The following POU6F2 variants were observed in gnomAD, a reference collection of about 807,000 sequenced individuals.
POU6F2 encodes POU class 6 homeobox 2, also known as POU domain, class 6, transcription factor 2.
A neutral mutation model predicts 71.3 loss-of-function variants in POU6F2; 31 were observed. That is an observed-to-expected ratio of 0.43 (90% confidence interval 0.33 to 0.59). The LOEUF is 0.59. POU6F2 is among the 20% of genes least tolerant of loss of function. The pLI is 0.04. For missense variants in POU6F2, 783 were observed against 856.8 expected (o/e 0.91, Z 1.07); for synonymous variants, 347 against 355.7 (o/e 0.98, Z 0.27).
At chr7:39,202,768 CTTG>C (rs1283190525) in intron 2 of POU6F2, among the ~76,000 whole-genome samples, 1 of 152,160 alleles carries the variant, frequency 6.6e-6, no homozygotes, top group Non-Finnish European at 1.5e-5. Flanking sequence ...TCATCTTACC[CTTG>C]TTATTAAATG....
At chr7:39,346,006 C>A (rs1439715819) in intron 5 of POU6F2, among the ~76,000 whole-genome samples, 1 of 152,180 alleles carries the variant, frequency 6.6e-6, no homozygotes, top group Non-Finnish European at 1.5e-5. Context: ...CTTTACCCAA[C>A]TGTATTAAGT....
intron 4 of POU6F2, among the ~76,000 whole-genome samples, chr7:39,268,078 T>C (rs1583486024): frequency 6.6e-6 from 1 of 152,158 alleles, no homozygotes. Flanking sequence ...CATTCGCTTT[T>C]GATGACTTTG....
At chr7:39,448,739 T>C (rs759640045) in intron 7 of POU6F2, among the ~76,000 whole-genome samples, 2 of 152,182 alleles carry the variant, frequency 1.3e-5, no homozygotes, top group Non-Finnish European at 1.5e-5. Flanking sequence ...GATGGTTCTT[T>C]ACCACACCCA....
intron 2 of POU6F2, among the ~76,000 whole-genome samples, chr7:39,116,388 G>GA (rs1218275860): frequency 6.6e-6 from 1 of 151,670 alleles, no homozygotes; most frequent in Non-Finnish European, 1.5e-5. Context: ...GTGTCTCAAA[G>GA]AAAAAAAATC....
At chr7:39,239,910 T>C (rs535678194) in intron 4 of POU6F2, among the ~76,000 whole-genome samples, 2 of 152,276 alleles carry the variant, frequency 1.3e-5, no homozygotes, top group South Asian at 4.1e-4. Context: ...GGCAAAGTCC[T>C]GAATTATCAC....
intron 6 of POU6F2, among the ~76,000 whole-genome samples, chr7:39,422,518 T>C (rs757968374): frequency 4.6e-5 from 7 of 152,190 alleles, no homozygotes; most frequent in Non-Finnish European, 8.8e-5. Context: ...AAAATTAAAA[T>C]ATATCCACAG....
intron 1 of POU6F2, among the ~76,000 whole-genome samples, chr7:39,056,579 C>T (rs1183285124): frequency 1.3e-5 from 2 of 151,738 alleles, no homozygotes; most frequent in South Asian, 2.1e-4. Context: ...TCTAAAAACT[C>T]AGGACTTCCC....
chr7:39,146,556 T>A (rs573604621), intron 2 of POU6F2, among the ~76,000 whole-genome samples: 1 of 152,274 alleles, frequency 6.6e-6, no homozygotes, highest in South Asian at 2.1e-4. Flanking sequence ...GATAGCCACG[T>A]TTGATAGCTG....
At position 39,015,737 on chromosome 7, in the gene POU6F2, ATATATAT is replaced by A. The variant is rs1432994490; in HGVS notation, c.105+37694_105+37700del. Among the ~76,000 whole-genome samples the A allele has an allele frequency of 8.3e-4, 42 of 50,632 alleles. No homozygotes were observed. The East Asian group carries it at 0.011, about 13-fold the overall frequency. The allele number at this position is 50,632 out of a possible 152,430, so 33.2% of individuals were successfully genotyped here. ...TTATATAGAGATATATAACATATAG[ATATATAT>A]TATATATTATATATAGATATATTAT... On this transcript the variant is annotated intron_variant, in intron 1 of 9. Transcript: ENST00000518318.
At position 39,207,416 on chromosome 7, in the gene POU6F2, G is replaced by T; in HGVS notation, c.394G>T (p.Ala132Ser). The T allele has an allele frequency of 6.2e-7, 1 of 1,613,952 alleles. No homozygotes were observed. Among genetic ancestry groups the T allele is most frequent in the Non-Finnish European group, 8.5e-7 (1 of 1,179,838 alleles). Residue 132 changes from alanine to serine, a missense_variant, in exon 4 of 10, where the codon GCT becomes TCT. Ala to Ser is a moderately conservative substitution (Grantham distance 99). This residue lies in a region of POU6F2 where 572 missense variants were observed against 572.9 expected (regional missense o/e 1.00). Transcript: ENST00000518318. ...PQPLLTAQQLASAVAGVMPGG... is the reference protein window; with the variant it reads ...PQPLLTAQQLSSAVAGVMPGG... Reference sequence around the variant, plus strand: ...GCCACTTCTGACGGCACAGCAGTTAGCTTCTGCTGTGGCCGGCGTGATGCC... The same window carrying T: ...GCCACTTCTGACGGCACAGCAGTTATCTTCTGCTGTGGCCGGCGTGATGCC...
At chr7:39,057,115 A>T (rs1584520760) in intron 1 of POU6F2, among the ~76,000 whole-genome samples, 2 of 151,922 alleles carry the variant, frequency 1.3e-5, no homozygotes, top group South Asian at 2.1e-4. Context: ...CCTCTCTCTT[A>T]AGTCTTTCCT....
At chr7:39,023,895 G>C (rs572489188) in intron 1 of POU6F2, among the ~76,000 whole-genome samples, 1 of 152,162 alleles carries the variant, frequency 6.6e-6, no homozygotes, top group Admixed American at 6.6e-5. Flanking sequence ...CAGGATTCCT[G>C]TTTAGGTCAG....
chr7:39,178,714 A>G (rs1420233953), intron 2 of POU6F2, among the ~76,000 whole-genome samples: 1 of 152,208 alleles, frequency 6.6e-6, no homozygotes, highest in Non-Finnish European at 1.5e-5. Flanking sequence ...GCCAAAAAAC[A>G]GATCTTGGAT....
At position 39,387,327 on chromosome 7, in the gene POU6F2, TC is replaced by T. The variant is rs1231398554; in HGVS notation, c.973-19271del. Among the ~76,000 whole-genome samples, 5 of 152,194 alleles carry T rather than the reference TC, an allele frequency of 3.3e-5. No individual in the cohort carries two copies. The East Asian group carries it at 9.6e-4, about 29-fold the overall frequency. On this transcript the variant is annotated intron_variant, in intron 5 of 9. Transcript: ENST00000518318. ...TAAGAACCATTTCATAGTTTTCCCC[TC>T]CTAAGAGTTTTTTGTCTAATACGTG...
At chr7:39,227,700 A>AT (rs1325711220) in intron 4 of POU6F2, among the ~76,000 whole-genome samples, 2 of 151,988 alleles carry the variant, frequency 1.3e-5, no homozygotes, top group African/African-American at 4.8e-5. Flanking sequence ...GGCTACAGGC[A>AT]TCCGCCACCA....
At chr7:39,395,769 T>G (rs745575191) in intron 5 of POU6F2, among the ~76,000 whole-genome samples, 3 of 152,232 alleles carry the variant, frequency 2.0e-5, no homozygotes, top group Non-Finnish European at 4.4e-5. Flanking sequence ...TCAGCAAGTA[T>G]TGGGAACTAA....
intron 4 of POU6F2, among the ~76,000 whole-genome samples, chr7:39,250,728 G>A (rs4446648): frequency 0.65 from 98,376 of 151,988 alleles, 32,226 homozygotes; most frequent in East Asian, 0.97. Context: ...CATTCACCTC[G>A]GCCATTTCAT....
At chr7:39,444,050 C>A (rs1003812572) in intron 7 of POU6F2, among the ~76,000 whole-genome samples, 3 of 152,218 alleles carry the variant, frequency 2.0e-5, no homozygotes, top group Non-Finnish European at 2.9e-5. Context: ...GTAATGACAT[C>A]TTTAATGAAT....
intron 4 of POU6F2, among the ~76,000 whole-genome samples, chr7:39,322,248 T>C (rs6954206): frequency 0.028 from 4,261 of 152,128 alleles, 130 homozygotes; most frequent in South Asian, 0.074. Context: ...GAGAAGTGAG[T>C]AACTGACCCA....
Sources: gnomAD v4.1 joint callset for allele counts (sites outside exome capture counted in the v4.1 genomes callset) on GRCh38, gnomAD v4.1.1 for gene constraint, gnomAD v4.1.1 regional missense constraint, MANE v1.5 for transcripts, NCBI Gene and HGNC (gene_info 2026-07-23, HGNC 2026-07-21) for gene names.